ARK2C: variants seen among roughly 807,000 people sequenced by gnomAD.
ARK2C encodes arkadia (RNF111) C-terminal like ring finger ubiquitin ligase 2C, also known as E3 ubiquitin-protein ligase ARK2C.
the ARK2C span, among the ~76,000 whole-genome samples, chr18:46,451,320 A>C: frequency 6.6e-6 from 1 of 152,156 alleles, no homozygotes; most frequent in Non-Finnish European, 1.5e-5. Context: ...TAGAGGTAGA[A>C]TCTCCAGGGC....
chr18:46,342,974 C>T, the ARK2C span, among the ~76,000 whole-genome samples: 2 of 152,194 alleles, frequency 1.3e-5, no homozygotes, highest in African/African-American at 2.4e-5. Flanking sequence ...ATTAATGTCA[C>T]AGACATTTTC....
chr18:46,393,722 C>T, the ARK2C span, among the ~76,000 whole-genome samples: 2 of 152,216 alleles, frequency 1.3e-5, no homozygotes, highest in African/African-American at 4.8e-5. Flanking sequence ...GGGACATTGG[C>T]TACTCTGCAG....
the ARK2C span, among the ~76,000 whole-genome samples, chr18:46,375,114 C>A: frequency 6.6e-6 from 1 of 152,218 alleles, no homozygotes; most frequent in Admixed American, 6.5e-5. Flanking sequence ...TCTGCATCTG[C>A]CTGAGTCTCT....
At chr18:46,389,951 A>G in the ARK2C span, among the ~76,000 whole-genome samples, 1 of 151,592 alleles carries the variant, frequency 6.6e-6, no homozygotes, top group African/African-American at 2.4e-5. Context: ...CTGGTCTTAA[A>G]CTCCTGAGCT....
At chr18:46,347,379 C>A in the ARK2C span, among the ~76,000 whole-genome samples, 1 of 152,208 alleles carries the variant, frequency 6.6e-6, no homozygotes, top group Non-Finnish European at 1.5e-5. Context: ...TGCTGAAATT[C>A]TCTGCCTCCT....
chr18:46,452,804 C>T, the ARK2C span, among the ~76,000 whole-genome samples: 8 of 152,160 alleles, frequency 5.3e-5, no homozygotes, highest in African/African-American at 1.7e-4. Flanking sequence ...TGGTCGAGAG[C>T]ACTCTTAGAG....
At chr18:46,361,634 T>C in the ARK2C span, among the ~76,000 whole-genome samples, 1 of 152,224 alleles carries the variant, frequency 6.6e-6, no homozygotes, top group Non-Finnish European at 1.5e-5. Flanking sequence ...TATCATTCAA[T>C]ATACATGATT....
the ARK2C span, among the ~76,000 whole-genome samples, chr18:46,346,171 T>G: frequency 6.6e-6 from 1 of 152,008 alleles, no homozygotes; most frequent in Admixed American, 6.6e-5. Context: ...GATCCTCAAG[T>G]GTGCCAGGCC....
At chr18:46,338,103 C>T in the ARK2C span, among the ~76,000 whole-genome samples, 1 of 152,150 alleles carries the variant, frequency 6.6e-6, no homozygotes, top group Non-Finnish European at 1.5e-5. Context: ...GCATTTCAGA[C>T]TCGCCTAAAA....
chr18:46,405,825 A>G, the ARK2C span, among the ~76,000 whole-genome samples: 1 of 152,044 alleles, frequency 6.6e-6, no homozygotes, highest in African/African-American at 2.4e-5. Flanking sequence ...GTTTGGGGTT[A>G]CTGCTGTGAG....
the ARK2C span, among the ~76,000 whole-genome samples, chr18:46,405,952 T>C: frequency 0.053 from 8,059 of 152,074 alleles, 760 homozygotes; most frequent in East Asian, 0.39. Flanking sequence ...TGTGCACACA[T>C]GTGTACACCC....
the ARK2C span, chr18:46,450,287 AC>A: frequency 6.2e-7 from 1 of 1,602,308 alleles, no homozygotes; most frequent in African/African-American, 1.3e-5. Flanking sequence ...GGCGTTTTCT[AC>A]CCAACAGGTC....
chr18:46,334,421 G>A, the ARK2C span: 7 of 1,207,568 alleles, frequency 5.8e-6, no homozygotes, highest in African/African-American at 7.9e-5. The surrounding 1 kb of genome is among the most constrained non-coding windows in gnomAD (Gnocchi z 4.4). Context: ...GGCGGCCGGG[G>A]GCTCAGGGCA....
chr18:46,447,728 G>C, the ARK2C span: 1,039 of 1,613,796 alleles, frequency 6.4e-4, 12 homozygotes, highest in South Asian at 0.01. Flanking sequence ...TGCGCCTATT[G>C]AGTGCCAGTG....
At chr18:46,390,302 A>G in the ARK2C span, among the ~76,000 whole-genome samples, 128 of 152,294 alleles carry the variant, frequency 8.4e-4, 1 homozygote, top group East Asian at 7.5e-3. Context: ...GCCATCCCCA[A>G]CATCTCCAGA....
the ARK2C span, chr18:46,335,156 AGCGGGGCGTCCG>A: frequency 6.6e-6 from 1 of 152,142 alleles, no homozygotes; most frequent in Non-Finnish European, 1.5e-5. Flanking sequence ...GTCCGGCTGG[AGCGGGGCGTCCG>A]GCCCTTGGGT....
chr18:46,409,257 A>C, the ARK2C span, among the ~76,000 whole-genome samples: 1 of 152,200 alleles, frequency 6.6e-6, no homozygotes, highest in African/African-American at 2.4e-5. Context: ...CAGCAATATG[A>C]GATACCTTTG....
the ARK2C span, among the ~76,000 whole-genome samples, chr18:46,370,243 A>C: frequency 6.6e-6 from 1 of 152,250 alleles, no homozygotes; most frequent in African/African-American, 2.4e-5. Context: ...CCTTACGATC[A>C]TCTCTATAGG....
At chr18:46,448,896 C>T in the ARK2C span, among the ~76,000 whole-genome samples, 27 of 152,316 alleles carry the variant, frequency 1.8e-4, no homozygotes, top group Admixed American at 9.8e-4. Flanking sequence ...CAAGCCTTGT[C>T]TCTGTCACTA....
Sources: gnomAD v4.1 joint callset for allele counts (sites outside exome capture counted in the v4.1 genomes callset) on GRCh38, gnomAD v4.1.1 for gene constraint, Gnocchi (gnomAD v3.1) non-coding constraint, MANE v1.5 for transcripts, NCBI Gene and HGNC (gene_info 2026-07-23, HGNC 2026-07-21) for gene names.